Variants in GIT2 observed in about 807,000 individuals in gnomAD.
GIT2 encodes the protein GIT ArfGAP 2.
In GIT2, 32 loss-of-function variants were observed where a neutral mutation model predicts 100.3. The observed-to-expected ratio is 0.32, with a 90% CI of 0.24 to 0.43. GIT2 has a LOEUF of 0.43. Ranked by LOEUF, GIT2 falls within the 20% of genes least tolerant of loss-of-function variation. GIT2 has a pLI of 1.00. For synonymous variants in GIT2, 353 were observed against 364.1 expected (o/e 0.97, Z 0.35); for missense variants, 737 against 975.1 (o/e 0.76, Z 3.25).
chr12:109,965,394 C>A (rs1882068157), intron 9 of GIT2, 132 bp downstream of exon 9: 2 of 615,818 alleles, frequency 3.2e-6, no homozygotes, highest in African/African-American at 3.7e-5. Context: ...ACTCAACAGT[C>A]TGCTTCTAGT....
intron 1 of GIT2, 130 bp downstream of exon 1, chr12:109,996,043 C>A: frequency 1.7e-6 from 1 of 595,954 alleles, no homozygotes; most frequent in Non-Finnish European, 2.7e-6. Flanking sequence ...GGTTCCCACC[C>A]CAAGGCCGCC....
chr12:109,990,142 A>G (rs1262656941), intron 2 of GIT2, among the ~76,000 whole-genome samples: 1 of 152,216 alleles, frequency 6.6e-6, no homozygotes. Flanking sequence ...TGTCTATATT[A>G]TTCACTTAAT....
intron 7 of GIT2, among the ~76,000 whole-genome samples, chr12:109,976,347 C>A (rs888419303): frequency 7.0e-6 from 1 of 143,558 alleles, no homozygotes; most frequent in Non-Finnish European, 1.5e-5. Context: ...TGCAGTGGTG[C>A]AATCTCAGCT....
At chr12:109,974,262 C>G (rs557879288) in intron 7 of GIT2, among the ~76,000 whole-genome samples, 19 of 152,194 alleles carry the variant, frequency 1.2e-4, no homozygotes, top group African/African-American at 4.6e-4. Flanking sequence ...CACGGTGGCT[C>G]ACACCTGTAA....
At chr12:109,957,045 C>CT (rs910873570) in intron 12 of GIT2, among the ~76,000 whole-genome samples, 2 of 151,370 alleles carry the variant, frequency 1.3e-5, no homozygotes, top group Non-Finnish European at 3.0e-5. Flanking sequence ...CAAAATCAAA[C>CT]TTTATTACTT....
intron 7 of GIT2, among the ~76,000 whole-genome samples, chr12:109,970,658 T>A (rs1409547912): frequency 6.6e-6 from 1 of 152,260 alleles, no homozygotes; most frequent in Non-Finnish European, 1.5e-5. Context: ...TTCATAGATA[T>A]CACAGTCTTG....
Position 109,933,355 on chromosome 12 carries a change from C to T in GIT2, c.2068-165G>A. ...TTCACACACTCCAAGCTTTGCAGCCCACAGCGTAAGAGATGCTGAAATATT... is the reference window on the plus strand; with the variant it reads ...TTCACACACTCCAAGCTTTGCAGCCTACAGCGTAAGAGATGCTGAAATATT... On this transcript the variant is annotated intron_variant, in intron 19 of 19. Coordinates refer to ENST00000355312, the MANE Select transcript of GIT2 (RefSeq NM_057169.5). This position sits in a 1 kb window ranked among gnomAD's most constrained non-coding sequence, Gnocchi z 4.5. The T allele has an allele frequency of 1.7e-6, 1 of 583,764 alleles. No individual in the cohort carries two copies. Among genetic ancestry groups the T allele is most frequent in the Non-Finnish European group, 3.1e-6 (1 of 326,586 alleles). The allele number at this position is 583,764 out of a possible 1,614,324, so 36.2% of individuals were successfully genotyped here. A position where few individuals can be genotyped will look rare whatever the true frequency, so the allele number is the denominator to read the frequency against.
chr12:109,958,524 T>G (rs1485722520), intron 12 of GIT2, among the ~76,000 whole-genome samples: 2 of 152,094 alleles, frequency 1.3e-5, no homozygotes, highest in Non-Finnish European at 2.9e-5. Flanking sequence ...ATTACAGGCG[T>G]AAGGCACCAC....
At chr12:109,972,776 T>C (rs1884211117) in intron 7 of GIT2, among the ~76,000 whole-genome samples, 1 of 152,160 alleles carries the variant, frequency 6.6e-6, no homozygotes, top group Non-Finnish European at 1.5e-5. Flanking sequence ...TTTTCAAATA[T>C]TAAATCAGTC....
At chr12:109,941,060 C>A (rs542392943) in intron 16 of GIT2, among the ~76,000 whole-genome samples, 2 of 152,104 alleles carry the variant, frequency 1.3e-5, no homozygotes, top group African/African-American at 4.8e-5. Flanking sequence ...TATCCCCATA[C>A]ACTCTTCTGC....
intron 7 of GIT2, among the ~76,000 whole-genome samples, chr12:109,976,098 A>T (rs1360393720): frequency 6.7e-6 from 1 of 149,630 alleles, no homozygotes; most frequent in Non-Finnish European, 1.5e-5. Context: ...TATGGTAGAA[A>T]TTACTATACA....
chr12:109,991,672 T>G lies in GIT2; in HGVS notation c.141A>C (p.Gln47His). The G allele has an allele frequency of 3.1e-6, 5 of 1,613,334 alleles. No homozygotes were observed. Among genetic ancestry groups the G allele is most frequent in the Non-Finnish European group, 4.2e-6 (5 of 1,179,260 alleles). The change falls in exon 2 of 20, where the codon CAA becomes CAC. Residue 47 changes from glutamine to histidine, a missense_variant. Coordinates refer to ENST00000355312, the MANE Select transcript of GIT2 (RefSeq NM_057169.5). ...VHRSLGRHIS[Q>H]VRHLKHTPWP... The stretch of plus-strand genomic sequence containing the variant: ...ACGGTGTGTGTTTCAGATGCCTCAC[T>G]TGGGAGATATGGCGCCCTAGACTCC...
In GIT2 at chr12:109,983,322, C is replaced by T. The variant is rs764112374; in HGVS notation, c.623+51G>A. On this transcript the variant is annotated intron_variant, in intron 6 of 19. Coordinates refer to ENST00000355312, the MANE Select transcript of GIT2 (RefSeq NM_057169.5). ...AACTTAGCTACTTAACAAGGAATCA[C>T]ACCCAACAAAAAAATCCCAGAGAGA... is the stretch of plus-strand genomic sequence containing the variant. The T allele has an allele frequency of 4.5e-6, 7 of 1,572,750 alleles. No individual in the cohort carries two copies. The South Asian group carries it at 5.7e-5, about 13-fold the overall frequency.
At chr12:109,995,840 C>A (rs1889284488) in intron 1 of GIT2, among the ~76,000 whole-genome samples, 2 of 152,204 alleles carry the variant, frequency 1.3e-5, no homozygotes, top group African/African-American at 4.8e-5. Context: ...AGGACGCTCA[C>A]ATTTTACTTC....
Position 109,957,569 on chromosome 12 carries a change from C to T in GIT2, c.1099+2278G>A, listed in dbSNP as rs187183564. On this transcript the variant is annotated intron_variant, in intron 12 of 19. Transcript: ENST00000355312. ...TCGCCCAGGCTAGAGTGCAGTGGTG[C>T]GATCTTGGCTCACTGCAAGCTCCAC... is the stretch of plus-strand genomic sequence containing the variant. Among the ~76,000 whole-genome samples the T allele has an allele frequency of 6.7e-4, 101 of 149,740 alleles. 2 individuals are homozygous for T. In the East Asian group the frequency reaches 0.014, roughly 20 times the overall value.
rs1239238094 is a variant in GIT2, at chr12:109,989,718, G to A, written c.271C>T (p.Arg91Cys). 7 of 1,562,862 alleles carry A rather than the reference G, an allele frequency of 4.5e-6. No homozygotes were observed. Among genetic ancestry groups the A allele is most frequent in the South Asian group, 1.1e-5 (1 of 89,988 alleles). Residue 91 changes from arginine to cysteine, a missense_variant, in exon 3 of 20, where the codon CGT becomes TGT. By Grantham distance (180) the Arg-to-Cys change is radical. Transcript: ENST00000355312. ...ACTTTATCCTGTGGATTAGCTTTAC[G>A]TCTTCCACTCATAATAGACGCAGGG... ...LDPASIMSGR[R>C]KANPQDKVHP...
intron 6 of GIT2, chr12:109,982,285 A>C (rs1056889054): frequency 1.4e-4 from 22 of 152,218 alleles, no homozygotes; most frequent in African/African-American, 5.3e-4. Flanking sequence ...CCAGCTGAAG[A>C]AATTTCTTAA....
At chr12:109,986,360 A>G (rs1887377512) in intron 4 of GIT2, among the ~76,000 whole-genome samples, 1 of 152,190 alleles carries the variant, frequency 6.6e-6, no homozygotes, top group Admixed American at 6.5e-5. Flanking sequence ...GGCTGGGCGC[A>G]GTGGCTCAGG....
At position 109,947,360 on chromosome 12, in the gene GIT2, T is replaced by G. The variant is rs759433893; in HGVS notation, c.1537A>C (p.Met513Leu). Residue 513 changes from methionine (M) to leucine (L), a missense_variant, in exon 15 of 20, where the codon ATG becomes CTG. Met to Leu is a conservative substitution (Grantham distance 15). Coordinates refer to ENST00000355312, the MANE Select transcript of GIT2 (RefSeq NM_057169.5). The surrounding 1 kb of genome is among the most constrained non-coding windows in gnomAD (Gnocchi z 4.3). Reference sequence around the variant, plus strand: ...CCTGATCCGGTCTCGTACATGGACATGGGCCTACTGCCCCGGGCAGACGGA... The same window carrying G: ...CCTGATCCGGTCTCGTACATGGACAGGGGCCTACTGCCCCGGGCAGACGGA... ...RRPSARGSRP[M>L]SMYETGSGQK... is the part of the protein sequence containing the mutation. 1 of 1,614,154 alleles carries G rather than the reference T, an allele frequency of 6.2e-7. No individual in the cohort carries two copies. The highest frequency in any genetic ancestry group is 8.5e-7 in the Non-Finnish European group (1 of 1,179,974).
Sources: gnomAD v4.1 joint callset for allele counts (sites outside exome capture counted in the v4.1 genomes callset) on GRCh38, gnomAD v4.1.1 for gene constraint, Gnocchi (gnomAD v3.1) non-coding constraint, MANE v1.5 for transcripts, NCBI Gene and HGNC (gene_info 2026-07-23, HGNC 2026-07-21) for gene names.